TM4SF18: variants seen among roughly 807,000 people sequenced by gnomAD.
TM4SF18 encodes the protein transmembrane 4 L6 family member 18.
Under a neutral mutation model 23.8 loss-of-function variants are expected in TM4SF18, and 22 were observed. The observed-to-expected ratio is 0.92, with a 90% CI of 0.66 to 1.32. TM4SF18 has a LOEUF of 1.32. Ranked by LOEUF, TM4SF18 falls within the 40% of genes most tolerant of loss-of-function variation. The pLI, the probability that TM4SF18 is intolerant of heterozygous loss-of-function variation, is 0.00. For synonymous variants in TM4SF18, 87 were observed against 87.9 expected (o/e 0.99, Z 0.06); for missense variants, 255 against 240.3 (o/e 1.06, Z -0.41).
intron 4 of TM4SF18, 52 bp from the exon 5 acceptor site, chr3:149,322,488 A>G (rs1395509276): frequency 6.7e-7 from 1 of 1,492,838 alleles, no homozygotes; most frequent in Non-Finnish European, 9.1e-7. Context: ...GAAGAAAGCT[A>G]CAAGCATTTG....
intron 3 of TM4SF18, among the ~76,000 whole-genome samples, chr3:149,326,171 T>C (rs1278781182): frequency 2.6e-5 from 4 of 152,204 alleles, no homozygotes; most frequent in Non-Finnish European, 5.9e-5. Flanking sequence ...TAAAGGTTTA[T>C]GTACAAGACT....
At chr3:149,323,873 AG>A (rs1158711032) in intron 4 of TM4SF18, among the ~76,000 whole-genome samples, 13 of 152,316 alleles carry the variant, frequency 8.5e-5, no homozygotes, top group African/African-American at 3.1e-4. Context: ...ATATGCAAGT[AG>A]GAGAGACCTG....
chr3:149,323,675 A>G (rs1237709304), intron 4 of TM4SF18, among the ~76,000 whole-genome samples: 1 of 152,254 alleles, frequency 6.6e-6, no homozygotes, highest in East Asian at 1.9e-4. Context: ...CCACTGTGAT[A>G]ATTGTGTTAA....
At chr3:149,325,094 T>G in intron 3 of TM4SF18, 72 bp from the exon 4 acceptor site, 2 of 1,483,670 alleles carry the variant, frequency 1.3e-6, no homozygotes, top group Non-Finnish European at 1.8e-6. Context: ...AATTATCAGA[T>G]AGCTACATTC....
At chr3:149,326,905 T>C (rs886300043) in intron 3 of TM4SF18, among the ~76,000 whole-genome samples, 1 of 152,184 alleles carries the variant, frequency 6.6e-6, no homozygotes, top group Non-Finnish European at 1.5e-5. Context: ...ATTTTGAGCT[T>C]ACCCTGCCAT....
At chr3:149,327,152 G>C (rs996522231) in intron 3 of TM4SF18, among the ~76,000 whole-genome samples, 1 of 152,214 alleles carries the variant, frequency 6.6e-6, no homozygotes, top group African/African-American at 2.4e-5. Context: ...GTTTCACCAT[G>C]TTGGCCAGGC....
chr3:149,329,156 TCA>T (rs33985529), intron 3 of TM4SF18, among the ~76,000 whole-genome samples: 30,575 of 141,824 alleles, frequency 0.22, 3,113 homozygotes, highest in East Asian at 0.32. Flanking sequence ...AGTCAACTGG[TCA>T]CACACACACA....
rs1009290290 is a variant in TM4SF18 at position 149,319,651 on chromosome 3, T to C, written c.*1827A>G. On this transcript the variant is annotated 3_prime_UTR_variant, in exon 6 of 6. Transcript: ENST00000296059. ...AACAGAAACCAGGCCTAGGGTACAC[T>C]GTTCATTGTGGGCAAAGGCAGTTTT... 5 of 152,252 alleles carry C rather than the reference T, an allele frequency of 3.3e-5. No homozygotes were observed. Among genetic ancestry groups the C allele is most frequent in the African/African-American group, 1.2e-4 (5 of 41,462 alleles). The allele number at this position is 152,252 out of a possible 1,614,324, so 9.4% of individuals were successfully genotyped here.
rs1730902990 is a variant in TM4SF18, at chr3:149,324,935, G to A, written c.355C>T (p.Pro119Ser). The change falls in exon 4 of 6, where the codon CCA (proline) becomes TCA (serine). Residue 119 changes from proline to serine, a missense_variant. Physicochemically the swap from Pro to Ser is moderately conservative, Grantham distance 74 (BLOSUM62 -1). Transcript: ENST00000296059. ...CAGCCATCAAGGGTGCGGCAATATG[G>A]CCCTTGGACAAGACCCAAGGCAGAG... ...VISALGLVQGPYCRTLDGWEY... is the reference protein window; with the variant it reads ...VISALGLVQGSYCRTLDGWEY... 1 of 1,614,010 alleles carries A rather than the reference G, an allele frequency of 6.2e-7. No individual in the cohort carries two copies. The highest frequency in any genetic ancestry group is 1.7e-5 in the Admixed American group (1 of 59,998).
intron 3 of TM4SF18, among the ~76,000 whole-genome samples, chr3:149,327,438 A>G (rs1037510813): frequency 6.6e-6 from 1 of 151,284 alleles, no homozygotes; most frequent in Admixed American, 6.6e-5. Flanking sequence ...AGGAAAACAC[A>G]TTAAGGAGGA....
At chr3:149,331,572 A>G (rs1265513941) in intron 2 of TM4SF18, among the ~76,000 whole-genome samples, 2 of 152,348 alleles carry the variant, frequency 1.3e-5, no homozygotes, top group Non-Finnish European at 2.9e-5. Flanking sequence ...AACCAGCTTC[A>G]TTACAATATT....
At chr3:149,330,545 CTG>C in intron 2 of TM4SF18, 126 bp from the exon 3 acceptor site, 1 of 575,300 alleles carries the variant, frequency 1.7e-6, no homozygotes, top group South Asian at 2.5e-5. Flanking sequence ...AATCCAAGCT[CTG>C]TCACTTTCTA....
chr3:149,322,367 A>C lies in TM4SF18; in HGVS notation c.480T>G (p.Ile160Met). The C allele has an allele frequency of 6.2e-7, 1 of 1,614,002 alleles. No homozygotes were observed. Among genetic ancestry groups the C allele is most frequent in the Non-Finnish European group, 8.5e-7 (1 of 1,179,918 alleles). ...EPAHVVEWNI[I>M]LFSILITLSG... ...TGAGGGTTATGAGAATGGAAAATAA[A>C]ATGATGTTCCACTCCACAACATGTG... The change falls in exon 5 of 6, where the codon ATT becomes ATG. Residue 160 changes from isoleucine to methionine, a missense_variant. Ile to Met is a conservative substitution (Grantham distance 10, BLOSUM62 1). Coordinates refer to ENST00000296059, the MANE Select transcript of TM4SF18 (RefSeq NM_138786.4).
At position 149,325,540 on chromosome 3, in the gene TM4SF18, T is replaced by C. The variant is rs1302978292; in HGVS notation, c.268-518A>G. On this transcript the variant is annotated intron_variant, in intron 3 of 5. Transcript: ENST00000296059. ...TTGATGGAGAGGGGGGTGTTTTCAT[T>C]TGAGTAGAGAGAATGGGTGTTATTC... is the stretch of plus-strand genomic sequence containing the variant. Among the ~76,000 whole-genome samples, 7 of 152,222 alleles carry C rather than the reference T, an allele frequency of 4.6e-5. No individual in the cohort carries two copies. The East Asian group carries it at 1.4e-3, about 29-fold the overall frequency.
chr3:149,333,133 A>G (rs1731121308), intron 2 of TM4SF18, 73 bp downstream of exon 2: 1 of 1,346,374 alleles, frequency 7.4e-7, no homozygotes, highest in Non-Finnish European at 1.0e-6. Flanking sequence ...ATTATTCATT[A>G]CTTCTACTAG....
chr3:149,322,156 G>T, intron 5 of TM4SF18, 100 bp downstream of exon 5: 1 of 1,037,788 alleles, frequency 9.6e-7, no homozygotes, highest in Non-Finnish European at 1.4e-6. Context: ...GAAATGGGGG[G>T]AAAGTGATGG....
chr3:149,322,616 A>G (rs1730835005), intron 4 of TM4SF18, among the ~76,000 whole-genome samples, 180 bp from the exon 5 acceptor site: 1 of 152,208 alleles, frequency 6.6e-6, no homozygotes, highest in African/African-American at 2.4e-5. Flanking sequence ...ACTGAGCTAG[A>G]TACTTAGTGT....
rs758936756 is a variant in TM4SF18, at chr3:149,321,422, A to C, written c.*56T>G. ...TATTGCCCTCAAGTCTACACAGTTG[A>C]TATAATATTTAGATAGATGGCCATG... On this transcript the variant is annotated 3_prime_UTR_variant, in exon 6 of 6. Transcript: ENST00000296059. 2.0e-5 allele frequency: 27 copies of C among 1,327,728 alleles called. No individual in the cohort carries two copies. Among genetic ancestry groups the C allele is most frequent in the Non-Finnish European group, 2.7e-5 (26 of 952,776 alleles). The allele number at this position is 1,327,728 out of a possible 1,614,324, so 82.2% of individuals were successfully genotyped here.
intron 5 of TM4SF18, among the ~76,000 whole-genome samples, chr3:149,321,959 T>A (rs963420036): frequency 3.3e-5 from 5 of 152,230 alleles, no homozygotes; most frequent in Non-Finnish European, 1.5e-5. Context: ...TTCATCATGC[T>A]TTGAGTTATC....
Sources: gnomAD v4.1 joint callset for allele counts (sites outside exome capture counted in the v4.1 genomes callset) on GRCh38, gnomAD v4.1.1 for gene constraint, MANE v1.5 for transcripts, NCBI Gene and HGNC (gene_info 2026-07-23, HGNC 2026-07-21) for gene names.